The following VIPR1 variants were observed in gnomAD, a reference collection of about 807,000 sequenced individuals.
VIPR1 encodes the protein vasoactive intestinal peptide receptor 1.
VIPR1 carries 59 observed loss-of-function variants against 58.8 expected under a neutral mutation model. The ratio of observed to expected loss-of-function variants is 1.00; its 90% CI spans 0.81 to 1.25. The LOEUF (loss-of-function observed/expected upper bound fraction) is 1.25, where lower values mean the gene tolerates loss of function less well. Ranked by LOEUF, VIPR1 falls within the 50% of genes most tolerant of loss-of-function variation. The probability of loss-of-function intolerance (pLI) is 0.00; values close to 1 mark genes in which losing one functional copy is unlikely to be tolerated. For synonymous variants in VIPR1, 251 were observed against 242.1 expected, an observed-to-expected ratio of 1.04 and a Z score of -0.34; for missense variants, 626 against 602.7, an observed-to-expected ratio of 1.04 and a Z score of -0.40.
At chr3:42,528,280 C>A in intron 6 of VIPR1, 157 bp downstream of exon 6, 1 of 1,016,752 alleles carries the variant, frequency 9.8e-7, no homozygotes, top group Non-Finnish European at 1.4e-6. Context: ...CCCAACCCCA[C>A]CTGGCAGTAC....
rs748019905 is a variant in VIPR1 at position 42,532,293 on chromosome 3, C to A, written c.970C>A (p.Arg324=). The A allele has an allele frequency of 1.2e-6, 2 of 1,614,158 alleles. No homozygotes were observed. Among genetic ancestry groups the A allele is most frequent in the Non-Finnish European group, 1.7e-6 (2 of 1,180,030 alleles). ...CATCCGAATCCTGCTTCAGAAACTG[C>A]GGCCCCCAGATATCAGGAAGAGTGA... ...CIIRILLQKL[R]PPDIRKSDSS... Residue 324 remains arginine, a synonymous_variant, in exon 10 of 13, where the codon CGG becomes AGG. Transcript: ENST00000325123.
intron 3 of VIPR1, among the ~76,000 whole-genome samples, 169 bp from the exon 4 acceptor site, chr3:42,525,718 C>T (rs142826076): frequency 1.3e-5 from 2 of 152,286 alleles, no homozygotes; most frequent in Non-Finnish European, 2.9e-5. Context: ...TTCTCCCTGC[C>T]CCAGGTGCCC....
At chr3:42,524,736 T>C (rs1190573179) in intron 3 of VIPR1, among the ~76,000 whole-genome samples, 1 of 152,110 alleles carries the variant, frequency 6.6e-6, no homozygotes, top group Non-Finnish European at 1.5e-5. Flanking sequence ...CTTTATCTGG[T>C]CACCGAAATA....
chr3:42,498,415 C>T (rs1159476378), upstream of VIPR1, among the ~76,000 whole-genome samples: 1 of 152,160 alleles, frequency 6.6e-6, no homozygotes, highest in East Asian at 1.9e-4. Context: ...TCTGCCCAAT[C>T]CTACTTTCTC....
intron 11 of VIPR1, 64 bp from the exon 12 acceptor site, chr3:42,535,279 G>A (rs1701785759): frequency 1.2e-6 from 2 of 1,603,922 alleles, no homozygotes; most frequent in East Asian, 2.2e-5. Flanking sequence ...TGGAGCCAGG[G>A]GTGGGGCAGG....
At chr3:42,524,460 C>A (rs559160102) in intron 3 of VIPR1, among the ~76,000 whole-genome samples, 3 of 152,350 alleles carry the variant, frequency 2.0e-5, no homozygotes, top group Admixed American at 6.5e-5. Flanking sequence ...ATCCATCCTG[C>A]CCTCCCTGGG....
In VIPR1 at chr3:42,511,013, G is replaced by A. The variant is rs369815410; in HGVS notation, c.79-2736G>A. On this transcript the variant is annotated intron_variant, in intron 1 of 12. Transcript: ENST00000325123. Reference sequence around the variant, plus strand: ...TTAAGAAGGCCCAGAAAGTGAGGGCGTCCATTATCTTGTCCTCAGAGGGCA... The same window carrying A: ...TTAAGAAGGCCCAGAAAGTGAGGGCATCCATTATCTTGTCCTCAGAGGGCA... Among the ~76,000 whole-genome samples, 21 of 152,264 alleles carry A rather than the reference G, an allele frequency of 1.4e-4. 1 individual carries two copies. Among genetic ancestry groups the A allele is most frequent in the East Asian group, 5.8e-4 (3 of 5,176 alleles).
intron 3 of VIPR1, among the ~76,000 whole-genome samples, chr3:42,523,599 G>A (rs1203418752): frequency 4.5e-5 from 5 of 111,616 alleles, no homozygotes; most frequent in East Asian, 5.5e-4. Context: ...TAACACCTCC[G>A]CCACTACACA....
At chr3:42,523,831 T>C (rs866027839) in intron 3 of VIPR1, among the ~76,000 whole-genome samples, 8 of 152,004 alleles carry the variant, frequency 5.3e-5, no homozygotes, top group East Asian at 1.9e-4. Context: ...CTTTTTTTTT[T>C]CCCTGAGTCG....
intron 1 of VIPR1, chr3:42,507,145 A>G (rs1700153944): frequency 6.6e-6 from 1 of 152,198 alleles, no homozygotes; most frequent in African/African-American, 2.4e-5. Flanking sequence ...TTACACACCT[A>G]ACAAAATTGA....
intron 1 of VIPR1, 76 bp downstream of exon 1, chr3:42,502,889 G>A (rs1208841791): frequency 1.8e-6 from 2 of 1,100,838 alleles, no homozygotes; most frequent in Admixed American, 4.3e-5. Context: ...GGGATGGCGG[G>A]AGCCGGGCCG....
At position 42,523,085 on chromosome 3, in the gene VIPR1, C is replaced by CCG. The variant is rs1407722369; in HGVS notation, c.293-2801_293-2800insGC. ...ACCCCTTCACTGTTGCATGCCCTGA[C>CCG]CCCGCCCCCAGTGGAGTGTCCTTCC... On this transcript the variant is annotated intron_variant, in intron 3 of 12. Transcript: ENST00000325123. Among the ~76,000 whole-genome samples, 13 of 83,282 alleles carry CCG rather than the reference C, an allele frequency of 1.6e-4. 1 individual carries two copies. The highest frequency in any genetic ancestry group is 1.1e-3 in the African/African-American group (13 of 12,134). 54.6% of individuals were successfully genotyped at this position (83,282 alleles called of 152,430 possible). A position where few individuals can be genotyped will look rare whatever the true frequency, so the allele number is the denominator to read the frequency against.
At chr3:42,525,078 G>A (rs58526597) in intron 3 of VIPR1, among the ~76,000 whole-genome samples, 33,894 of 151,778 alleles carry the variant, frequency 0.22, 5,434 homozygotes, top group African/African-American at 0.45. Flanking sequence ...TACTGAGATG[G>A]GGAAGCGTGA....
At chr3:42,503,997 T>C (rs1000423484) in intron 1 of VIPR1, among the ~76,000 whole-genome samples, 1 of 152,148 alleles carries the variant, frequency 6.6e-6, no homozygotes, top group East Asian at 1.9e-4. Flanking sequence ...GGGAAGCTCA[T>C]TGCCTGTCCT....
chr3:42,502,071 G>A (rs1699888353), upstream of VIPR1: 1 of 152,274 alleles, frequency 6.6e-6, no homozygotes, highest in Admixed American at 6.5e-5. Flanking sequence ...GGCTTCTTCG[G>A]CGCGAAGGAT....
At chr3:42,491,359 G>GT (rs1467108519) in intron 1 of VIPR1, among the ~76,000 whole-genome samples, 32 of 152,166 alleles carry the variant, frequency 2.1e-4, no homozygotes, top group African/African-American at 7.0e-4. Context: ...GTGTATAATG[G>GT]TATTGTGGTT....
At chr3:42,531,022 G>C (rs1202306508) in intron 7 of VIPR1, 90 bp downstream of exon 7, 3 of 1,517,140 alleles carry the variant, frequency 2.0e-6, no homozygotes, top group African/African-American at 2.8e-5. Context: ...CCAGCTTGCA[G>C]TCCTACGTCT....
chr3:42,529,060 T>C (rs960336781), intron 6 of VIPR1, among the ~76,000 whole-genome samples: 6 of 152,208 alleles, frequency 3.9e-5, no homozygotes, highest in East Asian at 1.9e-4. Context: ...TGCTGCCTCC[T>C]GTGCACATGT....
chr3:42,535,318 C>A, intron 11 of VIPR1, 25 bp from the exon 12 acceptor site: 8 of 1,613,900 alleles, frequency 5.0e-6, no homozygotes, highest in Non-Finnish European at 6.8e-6. Flanking sequence ...GTCTACCTCA[C>A]CTCTCCTGTC....
Sources: allele counts gnomAD v4.1 joint callset (sites outside exome capture counted in the v4.1 genomes callset), GRCh38; gene constraint gnomAD v4.1.1; transcripts MANE v1.5; gene names NCBI Gene and HGNC (gene_info 2026-07-23, HGNC 2026-07-21).